The following ARHGAP44 variants were observed in gnomAD, a reference collection of about 807,000 sequenced individuals.
The protein encoded by ARHGAP44 is Rho GTPase activating protein 44.
A neutral mutation model predicts 106.8 loss-of-function variants in ARHGAP44; 43 were observed. That is an observed-to-expected ratio of 0.40 (90% CI 0.32 to 0.52). The LOEUF (loss-of-function observed/expected upper bound fraction) is 0.52, where lower values mean the gene tolerates loss of function less well. ARHGAP44 is among the 20% of genes least tolerant of loss of function. The pLI, the probability that ARHGAP44 is intolerant of heterozygous loss-of-function variation, is 0.48. For missense variants in ARHGAP44, 866 were observed against 1,050.5 expected, an observed-to-expected ratio of 0.82 and a Z score of 2.43; for synonymous variants, 439 against 410.3, an observed-to-expected ratio of 1.07 and a Z score of -0.85.
chr17:12,990,175 G>A lies in ARHGAP44; in HGVS notation c.*4G>A. On this transcript the variant is annotated 3_prime_UTR_variant, in exon 21 of 21. Transcript: ENST00000379672. ...GTCTGAGAGCACCGCCCTCTGACAT[G>A]ACACCGCCCATCCTGCCTCGCGTGT... 6.2e-7 allele frequency: 1 copy of A among 1,610,626 alleles called. No individual in the cohort carries two copies. Among genetic ancestry groups the A allele is most frequent in the East Asian group, 2.2e-5 (1 of 44,730 alleles).
chr17:12,891,906 C>G (rs2037059619), intron 1 of ARHGAP44, among the ~76,000 whole-genome samples: 1 of 151,968 alleles, frequency 6.6e-6, no homozygotes, highest in African/African-American at 2.4e-5. Context: ...AGCGATTCTC[C>G]TGCCTCAGCC....
rs1174732511 is a variant in ARHGAP44, at chr17:12,964,837, T to C, written c.1523+5940T>C. ...GGGTAATGTGACCTCCTTCCTAGCA[T>C]CACGTCCCTCCCTTCCAGATAGCTA... On this transcript the variant is annotated intron_variant, in intron 16 of 20. Transcript: ENST00000379672. Among the ~76,000 whole-genome samples, 3 of 152,114 alleles carry C rather than the reference T, an allele frequency of 2.0e-5. No individual in the cohort carries two copies. The East Asian group carries it at 5.8e-4, about 29-fold the overall frequency.
intron 1 of ARHGAP44, among the ~76,000 whole-genome samples, chr17:12,833,716 G>A (rs570901345): frequency 2.0e-5 from 3 of 152,134 alleles, no homozygotes; most frequent in Non-Finnish European, 4.4e-5. Flanking sequence ...GGAGACATAA[G>A]GCATCAATCA....
intron 1 of ARHGAP44, among the ~76,000 whole-genome samples, chr17:12,818,542 C>T (rs1050862218): frequency 2.0e-5 from 3 of 151,850 alleles, no homozygotes; most frequent in Non-Finnish European, 4.4e-5. Context: ...ATAAAACTGC[C>T]ACTATTTGTA....
intron 3 of ARHGAP44, among the ~76,000 whole-genome samples, chr17:12,901,162 G>A (rs1034540385): frequency 1.3e-5 from 2 of 152,000 alleles, no homozygotes; most frequent in Non-Finnish European, 2.9e-5. Flanking sequence ...GACCTCAGGT[G>A]ATCTACTTGC....
intron 1 of ARHGAP44, among the ~76,000 whole-genome samples, chr17:12,855,849 CAG>C (rs777426424): frequency 2.0e-5 from 3 of 151,806 alleles, no homozygotes; most frequent in African/African-American, 4.9e-5. Context: ...ACAAAAATAA[CAG>C]AGACAGTGTG....
intron 10 of ARHGAP44, among the ~76,000 whole-genome samples, chr17:12,948,310 G>A (rs930718691): frequency 1.3e-5 from 2 of 152,212 alleles, no homozygotes; most frequent in African/African-American, 4.8e-5. Flanking sequence ...AGGAATGGAA[G>A]GAGGCTACCT....
At position 12,974,077 on chromosome 17, in the gene ARHGAP44, G is replaced by A; in HGVS notation, c.1542-12G>A. The stretch of plus-strand genomic sequence containing the variant: ...ACGCGTGGGTAAGCGGTGTCTTTGT[G>A]TCCCTCGCCAGCATGGGTGTGAGGG... On this transcript the variant is annotated splice_polypyrimidine_tract_variant and intron_variant, in intron 17 of 20. Transcript: ENST00000379672. 6.4e-7 allele frequency: 1 copy of A among 1,556,566 alleles called. No homozygotes were observed. Among genetic ancestry groups the A allele is most frequent in the Non-Finnish European group, 8.7e-7 (1 of 1,149,822 alleles).
chr17:12,811,142 C>T (rs191433111), intron 1 of ARHGAP44, among the ~76,000 whole-genome samples: 91 of 151,948 alleles, frequency 6.0e-4, no homozygotes, highest in Admixed American at 4.3e-3. Flanking sequence ...GAAACCCCAT[C>T]TCTACTAAAA....
At chr17:12,811,342 G>T (rs959068661) in intron 1 of ARHGAP44, among the ~76,000 whole-genome samples, 1 of 151,628 alleles carries the variant, frequency 6.6e-6, no homozygotes, top group African/African-American at 2.4e-5. Flanking sequence ...GTAAGAAAGA[G>T]AAAATGTATT....
intron 10 of ARHGAP44, among the ~76,000 whole-genome samples, chr17:12,946,444 A>C (rs1358890044): frequency 6.6e-6 from 1 of 151,416 alleles, no homozygotes; most frequent in Non-Finnish European, 1.5e-5. Context: ...CCAGGAGTTC[A>C]AGACCAGCCT....
chr17:12,831,380 T>A (rs571708153), intron 1 of ARHGAP44, among the ~76,000 whole-genome samples: 1 of 152,264 alleles, frequency 6.6e-6, no homozygotes, highest in East Asian at 1.9e-4. Flanking sequence ...GTTAAAGTGG[T>A]AGGGGCAGTT....
At chr17:12,821,240 G>A (rs2034761249) in intron 1 of ARHGAP44, among the ~76,000 whole-genome samples, 1 of 152,166 alleles carries the variant, frequency 6.6e-6, no homozygotes, top group African/African-American at 2.4e-5. Context: ...TGGGCATGGG[G>A]ATGAGTAAGG....
At chr17:12,817,838 A>T (rs1278996525) in intron 1 of ARHGAP44, among the ~76,000 whole-genome samples, 1 of 152,014 alleles carries the variant, frequency 6.6e-6, no homozygotes, top group African/African-American at 2.4e-5. Context: ...TGTATCTTGA[A>T]AAGTGGAGAT....
intron 1 of ARHGAP44, among the ~76,000 whole-genome samples, chr17:12,817,912 A>G (rs148312781): frequency 2.2e-3 from 336 of 152,098 alleles, no homozygotes; most frequent in African/African-American, 7.7e-3. Context: ...GGGACCAGGT[A>G]TTTTCACTGA....
intron 1 of ARHGAP44, among the ~76,000 whole-genome samples, chr17:12,849,481 G>C (rs1230040958): frequency 6.6e-6 from 1 of 150,858 alleles, no homozygotes; most frequent in Non-Finnish European, 1.5e-5. Flanking sequence ...TTCTGTTTCT[G>C]GTTTGAATTG....
chr17:12,982,524 C>T (rs2039858971), intron 19 of ARHGAP44: 1 of 152,172 alleles, frequency 6.6e-6, no homozygotes, highest in Admixed American at 6.5e-5. Context: ...CTGCGTCTGT[C>T]ACCCATGACC....
chr17:12,974,291 C>T lies in ARHGAP44; in HGVS notation c.1744C>T (p.Pro582Ser). 1.4e-6 allele frequency: 2 copies of T among 1,448,756 alleles called. No individual in the cohort carries two copies. Among genetic ancestry groups the T allele is most frequent in the Non-Finnish European group, 1.8e-6 (2 of 1,107,682 alleles). 89.7% of individuals were successfully genotyped at this position (1,448,756 alleles called of 1,614,324 possible). The change falls in exon 18 of 21, where the codon CCT becomes TCT. Residue 582 changes from proline to serine, a missense_variant. Around this residue, in one of 2 missense-constraint regions of ARHGAP44, gnomAD observed 418 missense variants for 403.6 expected, o/e 1.04. Coordinates refer to ENST00000379672, the MANE Select transcript of ARHGAP44 (RefSeq NM_014859.6). ...ALSPSGLGLQ[P>S]GPERTSTTKS... ...CTCTCCATCCGGCCTGGGCCTCCAG[C>T]CTGGGCCCGAGCGCACCAGGTAAGC...
chr17:12,913,248 T>A (rs978209445), intron 4 of ARHGAP44, among the ~76,000 whole-genome samples: 1 of 152,218 alleles, frequency 6.6e-6, no homozygotes. Context: ...AATTTTTTTT[T>A]AATCAAGTTA....
Sources: gnomAD v4.1 joint callset for allele counts (sites outside exome capture counted in the v4.1 genomes callset) on GRCh38, gnomAD v4.1.1 for gene constraint, gnomAD v4.1.1 regional missense constraint, MANE v1.5 for transcripts, NCBI Gene and HGNC (gene_info 2026-07-23, HGNC 2026-07-21) for gene names.